Variants in GRM8 observed in about 807,000 individuals in gnomAD.
The protein encoded by GRM8 is glutamate metabotropic receptor 8.
Under a neutral mutation model 87.2 loss-of-function variants are expected in GRM8, and 47 were observed. That is an observed-to-expected ratio of 0.54 (90% CI 0.43 to 0.69). GRM8 has a LOEUF of 0.69. Ranked by LOEUF, GRM8 falls within the 30% of genes least tolerant of loss-of-function variation. The pLI is 0.00. For missense variants in GRM8, 1,019 were observed against 1,139.2 expected, an observed-to-expected ratio of 0.89 and a Z score of 1.52; for synonymous variants, 396 against 404.5, an observed-to-expected ratio of 0.98 and a Z score of 0.25.
chr7:127,032,756 A>G (rs1817499716), intron 3 of GRM8, among the ~76,000 whole-genome samples: 1 of 152,176 alleles, frequency 6.6e-6, no homozygotes, highest in Non-Finnish European at 1.5e-5. Context: ...GATCTCTTCC[A>G]GATTTGGGTA....
chr7:126,690,309 A>G (rs748517098), intron 7 of GRM8, among the ~76,000 whole-genome samples: 32 of 152,192 alleles, frequency 2.1e-4, no homozygotes, highest in South Asian at 8.3e-4. Flanking sequence ...GTATGTGAGC[A>G]AGCAAGCGTG....
At chr7:126,696,477 G>A (rs1809388012) in intron 7 of GRM8, among the ~76,000 whole-genome samples, 1 of 152,080 alleles carries the variant, frequency 6.6e-6, no homozygotes, top group East Asian at 1.9e-4. Context: ...GTGAGAACAT[G>A]CGGTCTTTGA....
chr7:127,217,943 C>T (rs997329582), intron 2 of GRM8, among the ~76,000 whole-genome samples: 13 of 152,338 alleles, frequency 8.5e-5, no homozygotes, highest in Middle Eastern at 3.4e-3. Context: ...CTGAAGTCCA[C>T]CGCTCCATAT....
intron 6 of GRM8, among the ~76,000 whole-genome samples, chr7:126,802,679 T>C (rs1336478573): frequency 6.6e-6 from 1 of 152,188 alleles, no homozygotes; most frequent in Non-Finnish European, 1.5e-5. Context: ...CCTTCCAGAA[T>C]ACTCCATCAG....
intron 8 of GRM8, among the ~76,000 whole-genome samples, chr7:126,546,723 A>G (rs1817202033): frequency 6.6e-6 from 1 of 152,356 alleles, no homozygotes; most frequent in Non-Finnish European, 1.5e-5. Flanking sequence ...TGAGAATGCT[A>G]CATCCTAGTG....
At chr7:126,833,689 C>T (rs945428061) in intron 6 of GRM8, among the ~76,000 whole-genome samples, 1 of 152,160 alleles carries the variant, frequency 6.6e-6, no homozygotes, top group East Asian at 1.9e-4. Flanking sequence ...TAAACCTAAA[C>T]CTCCCAAAGA....
At chr7:127,251,629 C>G (rs1003984029) in intron 1 of GRM8, among the ~76,000 whole-genome samples, 109 of 151,652 alleles carry the variant, frequency 7.2e-4, no homozygotes, top group African/African-American at 2.5e-3. Context: ...TTGCCTTTCC[C>G]GCGCCCCGGG....
chr7:126,493,409 G>C (rs1187165121), intron 9 of GRM8, among the ~76,000 whole-genome samples: 2 of 152,022 alleles, frequency 1.3e-5, no homozygotes, highest in Non-Finnish European at 2.9e-5. Flanking sequence ...CGAAGAAATT[G>C]AGTGAAGTTT....
intron 6 of GRM8, among the ~76,000 whole-genome samples, chr7:126,879,436 C>G (rs1181613973): frequency 3.3e-5 from 5 of 152,094 alleles, no homozygotes; most frequent in Non-Finnish European, 1.5e-5. Context: ...ATGCATAGGT[C>G]TTATCTGTAA....
chr7:126,610,052 G>A (rs933818169), intron 7 of GRM8, among the ~76,000 whole-genome samples: 2 of 152,178 alleles, frequency 1.3e-5, no homozygotes, highest in African/African-American at 2.4e-5. Flanking sequence ...GTGAGGCATT[G>A]ATCTATGGGA....
chr7:126,950,436 CA>C (rs572277978), intron 3 of GRM8, among the ~76,000 whole-genome samples: 141 of 152,254 alleles, frequency 9.3e-4, no homozygotes, highest in African/African-American at 3.3e-3. Context: ...AGTATATTAA[CA>C]GCAACTTTCT....
At chr7:126,567,172 C>T (rs1794289517) in intron 8 of GRM8, among the ~76,000 whole-genome samples, 1 of 152,086 alleles carries the variant, frequency 6.6e-6, no homozygotes, top group South Asian at 2.1e-4. Flanking sequence ...TACTGGACAA[C>T]ATTGTAGCTA....
intron 7 of GRM8, among the ~76,000 whole-genome samples, chr7:126,656,881 G>A (rs967182700): frequency 1.3e-5 from 2 of 152,144 alleles, no homozygotes; most frequent in Admixed American, 1.3e-4. Flanking sequence ...GGCATATTCA[G>A]GGAAACAAAT....
At position 126,805,208 on chromosome 7, in the gene GRM8, C is replaced by A. The variant is rs1359399953; in HGVS notation, c.1157-35143G>T. On this transcript the variant is annotated intron_variant, in intron 6 of 10. Transcript: ENST00000339582. ...AGCTTCCCTATTTTTTGTCTCCACT[C>A]TGCTTTCAACTTGGGACCAATCCAA... Among the ~76,000 whole-genome samples, 3 of 152,256 alleles carry A rather than the reference C, an allele frequency of 2.0e-5. No homozygotes were observed. The East Asian group carries it at 5.8e-4, about 29-fold the overall frequency.
chr7:126,635,957 G>C (rs1282857637), intron 7 of GRM8, among the ~76,000 whole-genome samples: 3 of 151,990 alleles, frequency 2.0e-5, no homozygotes, highest in African/African-American at 7.2e-5. Context: ...TCTTGTACTA[G>C]AAAGTTGATA....
chr7:126,889,518 G>A (rs1005273978), intron 6 of GRM8, among the ~76,000 whole-genome samples: 8 of 152,016 alleles, frequency 5.3e-5, no homozygotes, highest in African/African-American at 1.9e-4. Flanking sequence ...ATAATATTTT[G>A]GTAGACTAGA....
intron 2 of GRM8, among the ~76,000 whole-genome samples, chr7:127,216,737 T>G (rs1375209835): frequency 3.9e-5 from 6 of 152,186 alleles, no homozygotes; most frequent in African/African-American, 1.2e-4. Context: ...TCTTGTTCAC[T>G]CCATTCTATC....
chr7:126,963,741 C>A (rs970791607), intron 3 of GRM8, among the ~76,000 whole-genome samples: 1 of 152,052 alleles, frequency 6.6e-6, no homozygotes, highest in African/African-American at 2.4e-5. Context: ...CCATACTGCC[C>A]AAAGTAATTT....
chr7:127,221,483 CCCGTAGCT>C (rs2116717168), intron 2 of GRM8, among the ~76,000 whole-genome samples: 1 of 152,274 alleles, frequency 6.6e-6, no homozygotes, highest in Non-Finnish European at 1.5e-5. Context: ...GACCAGGTTG[CCCGTAGCT>C]CAAGACTGGT....
Sources: allele counts gnomAD v4.1 joint callset (sites outside exome capture counted in the v4.1 genomes callset), GRCh38; gene constraint gnomAD v4.1.1; transcripts MANE v1.5; gene names NCBI Gene and HGNC (gene_info 2026-07-23, HGNC 2026-07-21).